Variants in LRRC4C observed in about 807,000 individuals in gnomAD.
LRRC4C encodes leucine-rich repeat-containing protein 4C.
A neutral mutation model predicts 33.6 loss-of-function variants in LRRC4C; 5 were observed. The ratio of observed to expected loss-of-function variants is 0.15; its 90% CI spans 0.08 to 0.31. LRRC4C has a LOEUF of 0.31. Among genes scored for constraint, LRRC4C ranks in the 10% least tolerant of loss-of-function variants. The pLI, the probability that LRRC4C is intolerant of heterozygous loss-of-function variation, is 1.00. For missense variants in LRRC4C, 560 were observed against 796.7 expected, an observed-to-expected ratio of 0.70 and a Z score of 3.58; for synonymous variants, 329 against 302.0, an observed-to-expected ratio of 1.09 and a Z score of -0.93.
intron 5 of LRRC4C, among the ~76,000 whole-genome samples, chr11:40,218,740 T>TATCTATCTATCC (rs1491491352): frequency 1.2e-4 from 16 of 134,620 alleles, no homozygotes; most frequent in African/African-American, 2.7e-4. Context: ...TCTATCTATC[T>TATCTATCTATCC]ATCCATCCAT....
intron 1 of LRRC4C, among the ~76,000 whole-genome samples, chr11:41,016,709 AG>A (rs56071245): frequency 0.13 from 19,101 of 146,210 alleles, 1,312 homozygotes; most frequent in Non-Finnish European, 0.17. Flanking sequence ...GAACACAGAG[AG>A]GTTTTCAGCC....
chr11:40,322,841 G>A (rs893380509), intron 3 of LRRC4C, among the ~76,000 whole-genome samples: 3 of 152,052 alleles, frequency 2.0e-5, no homozygotes, highest in Admixed American at 6.6e-5. Flanking sequence ...TAGATATCCA[G>A]GTATTGTCAG....
chr11:40,274,536 A>G (rs150994005), intron 4 of LRRC4C, among the ~76,000 whole-genome samples: 230 of 152,080 alleles, frequency 1.5e-3, no homozygotes, highest in African/African-American at 5.3e-3. Flanking sequence ...TTTGATAAGC[A>G]TAATGAAAAG....
At chr11:41,297,050 C>T (rs780642765) in intron 1 of LRRC4C, among the ~76,000 whole-genome samples, 4 of 152,212 alleles carry the variant, frequency 2.6e-5, no homozygotes, top group African/African-American at 7.2e-5. Flanking sequence ...TGTTGAGAAA[C>T]TTTTCTTCTA....
intron 5 of LRRC4C, among the ~76,000 whole-genome samples, chr11:40,145,327 C>A (rs1276617707): frequency 6.6e-6 from 1 of 152,002 alleles, no homozygotes; most frequent in Non-Finnish European, 1.5e-5. Context: ...ACAATAGTTT[C>A]CAAAGAGAAA....
chr11:40,604,961 G>A (rs1311555981), intron 3 of LRRC4C, among the ~76,000 whole-genome samples: 1 of 152,010 alleles, frequency 6.6e-6, no homozygotes, highest in Non-Finnish European at 1.5e-5. Context: ...CCCTAAGCAG[G>A]GAGGATATTT....
chr11:40,778,803 T>G (rs138055928), intron 2 of LRRC4C, among the ~76,000 whole-genome samples: 2 of 152,318 alleles, frequency 1.3e-5, no homozygotes, highest in Non-Finnish European at 2.9e-5. Flanking sequence ...ATGAAGTATT[T>G]TCATTATTCT....
intron 2 of LRRC4C, among the ~76,000 whole-genome samples, chr11:40,835,862 T>C (rs187842049): frequency 4.9e-4 from 74 of 152,304 alleles, no homozygotes; most frequent in African/African-American, 1.7e-3. Context: ...AAAAATACAA[T>C]GTCAATTAAA....
At chr11:41,394,052 A>G (rs1953708837) in intron 1 of LRRC4C, among the ~76,000 whole-genome samples, 2 of 151,966 alleles carry the variant, frequency 1.3e-5, no homozygotes, top group African/African-American at 2.4e-5. Context: ...AGGGAGCCTT[A>G]AAAGCATAGA....
At chr11:40,275,563 C>T (rs988594686) in intron 4 of LRRC4C, among the ~76,000 whole-genome samples, 19 of 152,086 alleles carry the variant, frequency 1.2e-4, no homozygotes, top group Admixed American at 1.2e-3. Flanking sequence ...AAACCTTGAG[C>T]TCTAAATTAC....
chr11:40,560,339 G>A (rs998605208), intron 3 of LRRC4C, among the ~76,000 whole-genome samples: 1 of 152,006 alleles, frequency 6.6e-6, no homozygotes, highest in Non-Finnish European at 1.5e-5. Flanking sequence ...GAAGACTTTG[G>A]TTCCAAATAT....
At chr11:41,396,173 A>G (rs1591425614) in intron 1 of LRRC4C, among the ~76,000 whole-genome samples, 1 of 152,172 alleles carries the variant, frequency 6.6e-6, no homozygotes, top group Middle Eastern at 3.4e-3. Context: ...GTTTATAATT[A>G]GAGTACAATC....
chr11:41,112,707 C>A (rs1249403682), intron 1 of LRRC4C, among the ~76,000 whole-genome samples: 3 of 152,024 alleles, frequency 2.0e-5, no homozygotes, highest in Non-Finnish European at 4.4e-5. Flanking sequence ...GTTGGAAAAG[C>A]ATTTTATTCA....
intron 1 of LRRC4C, among the ~76,000 whole-genome samples, chr11:40,964,698 A>G (rs1351254842): frequency 6.6e-6 from 1 of 151,640 alleles, no homozygotes; most frequent in African/African-American, 2.4e-5. Flanking sequence ...AAGGACATGA[A>G]CTCATCCTTT....
In LRRC4C at chr11:41,066,117, A is replaced by C. The variant is rs114824535; in HGVS notation, c.-495-132394T>G. 7.8e-3 allele frequency among the ~76,000 whole-genome samples: 1,186 copies of C among 152,282 alleles called. 24 individuals are homozygous for C. The highest frequency in any genetic ancestry group is 0.027 in the African/African-American group (1,140 of 41,570). ...CAGAAGGTGGGTAATAACAAGCTCC[A>C]CTGAATTAAAGAAGCATGTTCTAAC... On this transcript the variant is annotated intron_variant, in intron 1 of 6. Transcript: ENST00000528697.
intron 3 of LRRC4C, among the ~76,000 whole-genome samples, chr11:40,390,833 A>G (rs980175459): frequency 2.6e-5 from 4 of 152,062 alleles, no homozygotes; most frequent in Admixed American, 6.6e-5. Context: ...GACCTCCTTC[A>G]TATTGTATGG....
intron 1 of LRRC4C, among the ~76,000 whole-genome samples, chr11:41,017,666 A>G (rs1475009460): frequency 6.6e-6 from 1 of 151,756 alleles, no homozygotes; most frequent in Admixed American, 6.6e-5. Context: ...TAATACTACT[A>G]TGGAGAAAAG....
intron 1 of LRRC4C, among the ~76,000 whole-genome samples, chr11:41,229,686 G>A (rs942213651): frequency 6.6e-6 from 1 of 151,982 alleles, no homozygotes; most frequent in Non-Finnish European, 1.5e-5. Flanking sequence ...TAATATCAAA[G>A]CCATAGCAGA....
In LRRC4C at chr11:40,426,377, C is replaced by T. The variant is rs567886637; in HGVS notation, c.-269-106656G>A. 5.4e-5 allele frequency among the ~76,000 whole-genome samples: 8 copies of T among 149,244 alleles called. No homozygotes were observed. In the East Asian group the frequency reaches 1.6e-3, roughly 30 times the overall value. On this transcript the variant is annotated intron_variant, in intron 3 of 6. Transcript: ENST00000528697. Reference sequence around the variant, plus strand: ...CATATTCCTCACTTTGATCCAGCCACTTTTTTTTTTAATCCCATCTGTGCT... The same window carrying T: ...CATATTCCTCACTTTGATCCAGCCATTTTTTTTTTTAATCCCATCTGTGCT...
Sources: allele counts gnomAD v4.1 joint callset (sites outside exome capture counted in the v4.1 genomes callset), GRCh38; gene constraint gnomAD v4.1.1; transcripts MANE v1.5; gene names NCBI Gene and HGNC (gene_info 2026-07-23, HGNC 2026-07-21).